Variants in DAB2IP observed in about 807,000 individuals in gnomAD.
The protein encoded by DAB2IP is DAB2 interacting protein, also known as disabled homolog 2-interacting protein.
A neutral mutation model predicts 107.2 loss-of-function variants in DAB2IP; 28 were observed. The ratio of observed to expected loss-of-function variants is 0.26; its 90% confidence interval spans 0.19 to 0.36. DAB2IP has a LOEUF of 0.36. DAB2IP is among the 10% of genes least tolerant of loss of function. DAB2IP has a pLI of 1.00. For missense variants in DAB2IP, 1,400 were observed against 1,644.7 expected, an observed-to-expected ratio of 0.85 and a Z score of 2.57; for synonymous variants, 755 against 706.4, an observed-to-expected ratio of 1.07 and a Z score of -1.09.
At chr9:121,601,115 C>T (rs1193950674) in intron 1 of DAB2IP, among the ~76,000 whole-genome samples, 2 of 152,242 alleles carry the variant, frequency 1.3e-5, no homozygotes, top group Non-Finnish European at 2.9e-5. Flanking sequence ...ATGAACTATT[C>T]AGAATGTACA....
At chr9:121,638,698 A>T (rs1832173433) in intron 1 of DAB2IP, among the ~76,000 whole-genome samples, 1 of 151,822 alleles carries the variant, frequency 6.6e-6, no homozygotes, top group Admixed American at 6.6e-5. Context: ...TGTTTTATGG[A>T]GAACCACACT....
intron 1 of DAB2IP, among the ~76,000 whole-genome samples, chr9:121,674,872 G>A (rs866021770): frequency 1.3e-5 from 2 of 151,370 alleles, no homozygotes; most frequent in Non-Finnish European, 2.9e-5. Context: ...GCTGTGGCCA[G>A]GGTGGTGTGT....
intron 10 of DAB2IP, among the ~76,000 whole-genome samples, chr9:121,769,675 A>G (rs1485794628): frequency 6.6e-6 from 1 of 152,210 alleles, no homozygotes; most frequent in African/African-American, 2.4e-5. Context: ...TGAGAGACAC[A>G]GGAGGGAGAA....
chr9:121,639,653 G>A (rs1832210663), intron 1 of DAB2IP, among the ~76,000 whole-genome samples: 1 of 152,084 alleles, frequency 6.6e-6, no homozygotes. Flanking sequence ...CTCCATTTTG[G>A]GCCTCAGTTT....
chr9:121,647,534 C>T (rs1004604407), upstream of DAB2IP, among the ~76,000 whole-genome samples: 2 of 152,148 alleles, frequency 1.3e-5, no homozygotes, highest in Non-Finnish European at 2.9e-5. Flanking sequence ...TGATGCTACC[C>T]ACTGCTTCTT....
At chr9:121,712,347 G>T (rs1274250528) in intron 3 of DAB2IP, among the ~76,000 whole-genome samples, 2 of 152,246 alleles carry the variant, frequency 1.3e-5, no homozygotes, top group South Asian at 4.1e-4. Flanking sequence ...GTGATCAGCT[G>T]TTGTGGGGCT....
At chr9:121,705,272 A>G (rs888563422) in intron 3 of DAB2IP, among the ~76,000 whole-genome samples, 1 of 152,174 alleles carries the variant, frequency 6.6e-6, no homozygotes, top group Non-Finnish European at 1.5e-5. Flanking sequence ...ATGTGTTGCA[A>G]GTGTGCACCT....
In DAB2IP at chr9:121,651,597, A is replaced by C; in HGVS notation, c.-179A>C. 2.1e-6 allele frequency: 2 copies of C among 966,572 alleles called. No individual in the cohort carries two copies. The highest frequency in any genetic ancestry group is 2.5e-6 in the Non-Finnish European group (2 of 800,534). The allele number at this position is 966,572 out of a possible 1,614,324, so 59.9% of individuals were successfully genotyped here. A position where few individuals can be genotyped will look rare whatever the true frequency, so the allele number is the denominator to read the frequency against. ...CCGCCGCGGGGCCGGCTGCTCGGGG[A>C]GCGGGAGGGGGCAGGAGGCGGAGGA... On this transcript the variant is annotated 5_prime_UTR_variant, in exon 1 of 16. Coordinates refer to ENST00000408936, the Ensembl canonical transcript of DAB2IP. The surrounding 1 kb of genome is among the most constrained non-coding windows in gnomAD (Gnocchi z 5.1).
rs142793204 is a variant in DAB2IP, at chr9:121,613,914, C to T, written c.40+46686C>T. ...TGGCAAGAAATCAGTGGCTCTTCTC[C>T]GCAGCTTGATAGTGTTGATGGTGTT... On this transcript the variant is annotated intron_variant, in intron 1 of 16. Transcript: ENST00000259371. 2.3e-4 allele frequency among the ~76,000 whole-genome samples: 35 copies of T among 152,266 alleles called. No homozygotes were observed. The East Asian group carries it at 4.4e-3, about 19-fold the overall frequency.
At chr9:121,753,053 T>TTGGGCTC (rs1266726959) in intron 3 of DAB2IP, 1 of 152,182 alleles carries the variant, frequency 6.6e-6, no homozygotes, top group Admixed American at 6.5e-5. Context: ...GTGGAGATTC[T>TTGGGCTC]GTGAGGTGAC....
At chr9:121,618,871 T>C (rs1831364232) in intron 1 of DAB2IP, among the ~76,000 whole-genome samples, 1 of 152,186 alleles carries the variant, frequency 6.6e-6, no homozygotes, top group Non-Finnish European at 1.5e-5. Context: ...GGGCAGGGGC[T>C]GTGTGTACGG....
intron 4 of DAB2IP, 133 bp downstream of exon 4, chr9:121,757,299 T>TCTTGGGGAC: frequency 8.6e-7 from 1 of 1,165,356 alleles, no homozygotes; most frequent in African/African-American, 1.9e-5. Flanking sequence ...CAGTGGCTAG[T>TCTTGGGGAC]AGTTACCGAT....
At chr9:121,726,011 A>C (rs1294860537) in intron 3 of DAB2IP, among the ~76,000 whole-genome samples, 1 of 152,190 alleles carries the variant, frequency 6.6e-6, no homozygotes, top group Non-Finnish European at 1.5e-5. Flanking sequence ...GACTCCTGAA[A>C]TCCTTAGATT....
chr9:121,686,583 A>G (rs559813288), intron 2 of DAB2IP, among the ~76,000 whole-genome samples: 8 of 152,144 alleles, frequency 5.3e-5, no homozygotes, highest in Non-Finnish European at 1.2e-4. Context: ...GTCTTGGGGT[A>G]CAGTGCTGGC....
upstream of DAB2IP, chr9:121,651,572 C>G (rs968153445): frequency 2.9e-5 from 25 of 867,528 alleles, no homozygotes; most frequent in African/African-American, 4.2e-4. This position sits in a 1 kb window ranked among gnomAD's most constrained non-coding sequence, Gnocchi z 5.1. Flanking sequence ...TCCCCAGCCC[C>G]CGCCGCGGGG....
chr9:121,770,790 A>T (rs1834664595), intron 11 of DAB2IP, 66 bp downstream of exon 11: 16 of 1,571,858 alleles, frequency 1.0e-5, no homozygotes, highest in Non-Finnish European at 1.4e-5. Context: ...CCCATCTGTA[A>T]TCTCAGATGG....
chr9:121,676,533 C>G (rs1833911777), intron 1 of DAB2IP, among the ~76,000 whole-genome samples: 2 of 152,188 alleles, frequency 1.3e-5, no homozygotes, highest in Admixed American at 1.3e-4. Context: ...TGCGAGTCAA[C>G]AGGTCTTTCC....
chr9:121,757,180 C>G lies in DAB2IP; in HGVS notation c.516+14C>G. On this transcript the variant is annotated intron_variant, in intron 4 of 15. Transcript: ENST00000408936. ...TACTGCTTCGAGGTGGGTCCCATCA[C>G]AGGGGTTGGGGTGGACACCCCATCC... 1 of 1,612,728 alleles carries G rather than the reference C, an allele frequency of 6.2e-7. No homozygotes were observed. The highest frequency in any genetic ancestry group is 8.5e-7 in the Non-Finnish European group (1 of 1,179,106).
Position 121,699,428 on chromosome 9 carries a change from G to GCGCCGCCTCCGC in DAB2IP, c.339_340insTCCGCCGCCGCC (p.Ala113_Ala114insSerAlaAlaAla). On this transcript the variant is annotated inframe_insertion, in exon 3 of 16. Coordinates refer to ENST00000408936, the Ensembl canonical transcript of DAB2IP. The surrounding 1 kb of genome is among the most constrained non-coding windows in gnomAD (Gnocchi z 6.2). ...CGCCACATCCTGCCGGGGTTCCGGA[G>GCGCCGCCTCCGC]CGCCGCCGCCGCCGCCGCGGACAAT... is the stretch of plus-strand genomic sequence containing the variant. 1.4e-6 allele frequency: 2 copies of GCGCCGCCTCCGC among 1,456,376 alleles called. No individual in the cohort carries two copies. The highest frequency in any genetic ancestry group is 1.8e-6 in the Non-Finnish European group (2 of 1,093,594). The allele number at this position is 1,456,376 out of a possible 1,614,324, so 90.2% of individuals were successfully genotyped here. A position where few individuals can be genotyped will look rare whatever the true frequency, so the allele number is the denominator to read the frequency against.
Sources: allele counts gnomAD v4.1 joint callset (sites outside exome capture counted in the v4.1 genomes callset), GRCh38; gene constraint gnomAD v4.1.1; non-coding constraint Gnocchi (gnomAD v3.1); transcripts MANE v1.5; gene names NCBI Gene and HGNC (gene_info 2026-07-23, HGNC 2026-07-21).